The following DLGAP1 variants were observed in gnomAD, a reference collection of about 807,000 sequenced individuals.
DLGAP1 encodes DLG associated protein 1.
In DLGAP1, 11 loss-of-function variants were observed where a neutral mutation model predicts 90.8. The ratio of observed to expected loss-of-function variants is 0.12; its 90% CI spans 0.08 to 0.20. The LOEUF is 0.20. DLGAP1 is among the 10% of genes least tolerant of loss of function. DLGAP1 has a pLI of 1.00. For synonymous variants in DLGAP1, 558 were observed against 540.7 expected, an observed-to-expected ratio of 1.03 and a Z score of -0.44; for missense variants, 1,050 against 1,333.8, an observed-to-expected ratio of 0.79 and a Z score of 3.31.
intron 3 of DLGAP1, chr18:3,995,475 G>C (rs1286867049): frequency 6.6e-6 from 1 of 152,122 alleles, no homozygotes; most frequent in Non-Finnish European, 1.5e-5. Flanking sequence ...TTTCCAGGAA[G>C]AGCTTGTCCC....
At chr18:3,522,201 A>G (rs950982431) in intron 10 of DLGAP1, among the ~76,000 whole-genome samples, 6 of 137,088 alleles carry the variant, frequency 4.4e-5, no homozygotes, top group South Asian at 2.2e-4. Context: ...CAATAGTACC[A>G]TGTCGGCTCA....
chr18:3,553,193 TAAAA>T (rs1214991106), intron 9 of DLGAP1, among the ~76,000 whole-genome samples: 5 of 152,174 alleles, frequency 3.3e-5, no homozygotes, highest in Non-Finnish European at 7.3e-5. Context: ...GTGCATTCAT[TAAAA>T]GAGGTGTTTG....
chr18:3,645,096 AT>A (rs1319157405), intron 7 of DLGAP1, among the ~76,000 whole-genome samples: 1 of 151,882 alleles, frequency 6.6e-6, no homozygotes, highest in Non-Finnish European at 1.5e-5. Flanking sequence ...TCGTATTTTA[AT>A]TTTTTTGTTT....
chr18:3,686,816 C>A (rs1383743499), intron 7 of DLGAP1, among the ~76,000 whole-genome samples: 4 of 152,116 alleles, frequency 2.6e-5, no homozygotes, highest in Non-Finnish European at 5.9e-5. Context: ...TGCCCCTCCC[C>A]CAGAGATACA....
At position 3,695,488 on chromosome 18, in the gene DLGAP1, G is replaced by T. The variant is rs529535645; in HGVS notation, c.1591+33647C>A. ...CTTTCCCCATTGCTTGTTTTTGTCAGGTTTGTCAAAGATCAGATGGTTATA... is the reference window on the plus strand; with the variant it reads ...CTTTCCCCATTGCTTGTTTTTGTCATGTTTGTCAAAGATCAGATGGTTATA... On this transcript the variant is annotated intron_variant, in intron 7 of 12. Transcript: ENST00000315677. Among the ~76,000 whole-genome samples the T allele has an allele frequency of 7.8e-4, 118 of 152,198 alleles. 1 individual carries two copies. Among genetic ancestry groups the T allele is most frequent in the Middle Eastern group, 6.8e-3 (2 of 294 alleles).
chr18:3,598,169 A>G (rs2056691392), intron 7 of DLGAP1: 1 of 152,204 alleles, frequency 6.6e-6, no homozygotes, highest in Non-Finnish European at 1.5e-5. Flanking sequence ...GCCAACCAAC[A>G]TAGTGAACCT....
intron 1 of DLGAP1, among the ~76,000 whole-genome samples, chr18:4,169,631 C>T (rs2076991380): frequency 6.6e-6 from 1 of 152,218 alleles, no homozygotes; most frequent in Non-Finnish European, 1.5e-5. Context: ...CCAGTAGAAT[C>T]AACTAGAGCT....
intron 2 of DLGAP1, among the ~76,000 whole-genome samples, chr18:4,074,923 C>G (rs2075502174): frequency 6.6e-6 from 1 of 152,156 alleles, no homozygotes; most frequent in South Asian, 2.1e-4. Flanking sequence ...CTAACACACA[C>G]AGGACAAATC....
intron 7 of DLGAP1, among the ~76,000 whole-genome samples, chr18:3,590,712 G>A (rs557349997): frequency 5.3e-5 from 8 of 152,064 alleles, no homozygotes; most frequent in Admixed American, 2.6e-4. Flanking sequence ...AAAATTAGCC[G>A]GGGGTGGTGG....
At chr18:4,103,436 TA>T (rs894556895) in intron 2 of DLGAP1, among the ~76,000 whole-genome samples, 1 of 152,150 alleles carries the variant, frequency 6.6e-6, no homozygotes, top group African/African-American at 2.4e-5. Context: ...TAAAGAGCAC[TA>T]AAAAAATCTA....
At chr18:3,615,061 C>G (rs891344784) in intron 7 of DLGAP1, among the ~76,000 whole-genome samples, 1 of 151,818 alleles carries the variant, frequency 6.6e-6, no homozygotes. Context: ...ACTGAGATTA[C>G]AGGCGCCCGC....
intron 1 of DLGAP1, among the ~76,000 whole-genome samples, chr18:4,197,465 AG>A (rs1598600977): frequency 1.3e-5 from 2 of 152,066 alleles, no homozygotes; most frequent in African/African-American, 2.4e-5. Flanking sequence ...TGGCAGTGTT[AG>A]GGGAGTGACG....
intron 3 of DLGAP1, among the ~76,000 whole-genome samples, chr18:3,903,205 T>C (rs1599138068): frequency 6.6e-6 from 1 of 152,030 alleles, no homozygotes. Flanking sequence ...GAAGGAAATA[T>C]GGAAAAATCA....
At chr18:4,422,928 T>A (rs2083072634) in intron 1 of DLGAP1, among the ~76,000 whole-genome samples, 1 of 152,136 alleles carries the variant, frequency 6.6e-6, no homozygotes, top group African/African-American at 2.4e-5. Flanking sequence ...ATTATACACA[T>A]AAATTATAAA....
intron 5 of DLGAP1, among the ~76,000 whole-genome samples, chr18:3,797,113 C>T (rs1380826496): frequency 6.6e-6 from 1 of 152,144 alleles, no homozygotes; most frequent in East Asian, 1.9e-4. Context: ...GCAGGTGGAT[C>T]ACGAGGTCAG....
intron 1 of DLGAP1, chr18:4,431,007 A>G (rs1180347620): frequency 1.3e-5 from 2 of 155,372 alleles, no homozygotes; most frequent in African/African-American, 4.8e-5. Context: ...CTTCCTTACA[A>G]TAGCGACTTT....
chr18:3,702,498 G>A (rs2147136170), intron 7 of DLGAP1, among the ~76,000 whole-genome samples: 1 of 152,314 alleles, frequency 6.6e-6, no homozygotes, highest in African/African-American at 2.4e-5. Context: ...GACCCCTAGG[G>A]GAGAGCCTGG....
intron 9 of DLGAP1, among the ~76,000 whole-genome samples, chr18:3,557,756 G>A (rs1446920017): frequency 3.9e-5 from 6 of 151,994 alleles, no homozygotes; most frequent in Non-Finnish European, 7.4e-5. Context: ...GTGAAACCCT[G>A]TCTCTACTAA....
chr18:3,617,881 A>C (rs992038491), intron 7 of DLGAP1, among the ~76,000 whole-genome samples: 1 of 148,866 alleles, frequency 6.7e-6, no homozygotes, highest in Non-Finnish European at 1.5e-5. Flanking sequence ...CTAAAAATAC[A>C]AAAAAATTAG....
Sources: allele counts gnomAD v4.1 joint callset (sites outside exome capture counted in the v4.1 genomes callset), GRCh38; gene constraint gnomAD v4.1.1; transcripts MANE v1.5; gene names NCBI Gene and HGNC (gene_info 2026-07-23, HGNC 2026-07-21).